HIRA: variants seen among roughly 807,000 people sequenced by gnomAD.
HIRA encodes the protein protein HIRA.
A neutral mutation model predicts 126.6 loss-of-function variants in HIRA; 13 were observed. The observed-to-expected ratio is 0.10, with a 90% CI of 0.07 to 0.16. The LOEUF (loss-of-function observed/expected upper bound fraction) is 0.16, where lower values mean the gene tolerates loss of function less well. HIRA is among the 10% of genes least tolerant of loss of function. The pLI is 1.00. For missense variants in HIRA, 834 were observed against 1,314.4 expected (o/e 0.63, Z 5.65); for synonymous variants, 511 against 520.0 (o/e 0.98, Z 0.24).
In HIRA at chr22:19,396,772, G is replaced by C. The variant is rs1174141775; in HGVS notation, c.654+15C>G. On this transcript the variant is annotated intron_variant, in intron 7 of 24. Coordinates refer to ENST00000263208, the MANE Select transcript of HIRA (RefSeq NM_003325.4). ...CAGCTGCGGGGGCTCAGCTCCCTGA[G>C]CTGTCCCCACTTACCTCATCAAAAG... 6.2e-7 allele frequency: 1 copy of C among 1,613,166 alleles called. No individual in the cohort carries two copies. The highest frequency in any genetic ancestry group is 1.7e-5 in the Admixed American group (1 of 60,012).
At chr22:19,408,630 G>A (rs1368190609) in intron 2 of HIRA, 37 bp from the exon 3 acceptor site, 2 of 1,196,540 alleles carry the variant, frequency 1.7e-6, no homozygotes, top group East Asian at 2.3e-5. Flanking sequence ...AATGTGCAAG[G>A]AGTAGAAATT....
Position 19,399,311 on chromosome 22 carries a change from A to AT in HIRA, c.398-1225dup, listed in dbSNP as rs905435139. 2.4e-5 allele frequency: 5 copies of AT among 205,412 alleles called. 1 individual carries two copies. The highest frequency in any genetic ancestry group is 4.2e-5 in the Non-Finnish European group (5 of 118,756). The allele number at this position is 205,412 out of a possible 1,614,324, so 12.7% of individuals were successfully genotyped here. On this transcript the variant is annotated intron_variant, in intron 5 of 24. Transcript: ENST00000263208. ...GCAAAATATTCCAAATATCTATTGT[A>AT]TTTTTTCCAGTTAAAAAAAAACTAT...
chr22:19,392,362 T>A, intron 8 of HIRA, 148 bp from the exon 9 acceptor site: 1 of 539,912 alleles, frequency 1.9e-6, no homozygotes. Context: ...CGACCACCTA[T>A]GAGGCATCTG....
chr22:19,371,421 G>C (rs2088963543), intron 15 of HIRA, among the ~76,000 whole-genome samples: 1 of 151,192 alleles, frequency 6.6e-6, no homozygotes, highest in Non-Finnish European at 1.5e-5. Context: ...ATTTTTTTTG[G>C]TTCATTTCCA....
At chr22:19,356,665 T>A (rs1269837108) in intron 19 of HIRA, among the ~76,000 whole-genome samples, 1 of 152,130 alleles carries the variant, frequency 6.6e-6, no homozygotes, top group Non-Finnish European at 1.5e-5. Flanking sequence ...AGTAAGGAAA[T>A]AATCGAGCAG....
chr22:19,398,968 C>CA (rs1185850132), intron 5 of HIRA: 2 of 261,164 alleles, frequency 7.7e-6, no homozygotes, highest in Non-Finnish European at 1.2e-5. Flanking sequence ...GACCCTGTCT[C>CA]AAAAAACAAA....
intron 15 of HIRA, among the ~76,000 whole-genome samples, chr22:19,367,777 A>T (rs924397284): frequency 1.3e-5 from 2 of 152,180 alleles, no homozygotes; most frequent in Non-Finnish European, 2.9e-5. Flanking sequence ...CATGTAGCAA[A>T]TTCAGTTTTT....
intron 24 of HIRA, among the ~76,000 whole-genome samples, chr22:19,342,070 T>A (rs977946588): frequency 2.6e-5 from 4 of 151,966 alleles, no homozygotes; most frequent in Non-Finnish European, 4.4e-5. Context: ...AGGACTAATA[T>A]CTGGAATCTA....
chr22:19,345,979 T>G (rs781965553), intron 24 of HIRA, among the ~76,000 whole-genome samples: 3 of 152,200 alleles, frequency 2.0e-5, no homozygotes, highest in African/African-American at 7.2e-5. Flanking sequence ...GCTCCTATAA[T>G]ATACATAGAG....
chr22:19,351,806 G>A lies in HIRA; in HGVS notation c.2849-360C>T, dbSNP rs1410362121. On this transcript the variant is annotated intron_variant, in intron 23 of 24. Transcript: ENST00000263208. This position sits in a 1 kb window ranked among gnomAD's most constrained non-coding sequence, Gnocchi z 4.8. ...GTGAGATCTGTCTTTGAGAAGATGC[G>A]CTGGCAGCTGGTGTTGAGGGGAGGT... Among the ~76,000 whole-genome samples the A allele has an allele frequency of 6.6e-6, 1 of 152,146 alleles. No individual in the cohort carries two copies. The highest frequency in any genetic ancestry group is 1.5e-5 in the Non-Finnish European group (1 of 68,042).
At chr22:19,376,189 C>T (rs1036684914) in intron 14 of HIRA, among the ~76,000 whole-genome samples, 1 of 152,200 alleles carries the variant, frequency 6.6e-6, no homozygotes, top group Non-Finnish European at 1.5e-5. Flanking sequence ...ATGAGATAAG[C>T]CTGCACCTGG....
intron 13 of HIRA, among the ~76,000 whole-genome samples, chr22:19,379,814 T>C (rs1016212106): frequency 1.3e-5 from 2 of 152,084 alleles, no homozygotes; most frequent in African/African-American, 4.8e-5. Context: ...CAACTATTTA[T>C]GGCCTTTTTT....
Position 19,394,526 on chromosome 22 carries a change from C to T in HIRA, c.655-17G>A, listed in dbSNP as rs750871390. 3.1e-6 allele frequency: 5 copies of T among 1,611,708 alleles called. No individual in the cohort carries two copies. Among genetic ancestry groups the T allele is most frequent in the Non-Finnish European group, 3.4e-6 (4 of 1,178,448 alleles). On this transcript the variant is annotated splice_polypyrimidine_tract_variant and intron_variant, in intron 7 of 24. Transcript: ENST00000263208. ...TCCTCCACACTGAAAGAAGCATCTG[C>T]ACTTGAAAGGAGCTCAAGGCCACCT...
At chr22:19,334,135 T>G (rs1049122654) in intron 24 of HIRA, among the ~76,000 whole-genome samples, 1 of 151,700 alleles carries the variant, frequency 6.6e-6, no homozygotes, top group Non-Finnish European at 1.5e-5. Context: ...CCAGCACGCC[T>G]GGCTAATTTT....
At chr22:19,412,818 G>A (rs891796076) in intron 1 of HIRA, among the ~76,000 whole-genome samples, 45 of 152,148 alleles carry the variant, frequency 3.0e-4, no homozygotes, top group African/African-American at 1.1e-3. Context: ...TTCTCACTCA[G>A]TCTCTGTTTG....
At chr22:19,403,143 T>C (rs1302451318) in intron 5 of HIRA, among the ~76,000 whole-genome samples, 1 of 151,456 alleles carries the variant, frequency 6.6e-6, no homozygotes, top group African/African-American at 2.4e-5. Flanking sequence ...AATATCTTCC[T>C]ATGGGCATTT....
intron 5 of HIRA, among the ~76,000 whole-genome samples, chr22:19,400,420 C>T (rs1057345578): frequency 1.3e-5 from 2 of 152,206 alleles, no homozygotes; most frequent in African/African-American, 4.8e-5. Flanking sequence ...CCTTTCACAA[C>T]ACACCAACTT....
intron 21 of HIRA, among the ~76,000 whole-genome samples, chr22:19,355,490 A>C (rs554838889): frequency 8.5e-5 from 13 of 152,258 alleles, no homozygotes; most frequent in African/African-American, 3.1e-4. Context: ...AAAACCATAA[A>C]AATTTTGGGG....
intron 24 of HIRA, among the ~76,000 whole-genome samples, chr22:19,341,826 A>G (rs977415749): frequency 2.0e-5 from 3 of 152,234 alleles, no homozygotes; most frequent in Non-Finnish European, 4.4e-5. Flanking sequence ...ACTTAAATCT[A>G]CGATCTGAAA....
Sources: allele counts gnomAD v4.1 joint callset (sites outside exome capture counted in the v4.1 genomes callset), GRCh38; gene constraint gnomAD v4.1.1; non-coding constraint Gnocchi (gnomAD v3.1); transcripts MANE v1.5; gene names NCBI Gene and HGNC (gene_info 2026-07-23, HGNC 2026-07-21).